The following UNC13C variants were observed in gnomAD, a reference collection of about 807,000 sequenced individuals.
UNC13C encodes protein unc-13 homolog C.
In UNC13C, 174 loss-of-function variants were observed where a neutral mutation model predicts 245.4. The ratio of observed to expected loss-of-function variants is 0.71; its 90% CI spans 0.63 to 0.80. The LOEUF is 0.80. Ranked by LOEUF, UNC13C falls within the 30% of genes least tolerant of loss-of-function variation. The probability of loss-of-function intolerance (pLI) is 0.00; values close to 1 mark genes in which losing one functional copy is unlikely to be tolerated. For missense variants in UNC13C, 2,829 were observed against 2,602.9 expected (o/e 1.09, Z -1.89); for synonymous variants, 992 against 895.1 (o/e 1.11, Z -1.93).
chr15:53,875,316 G>A, the UNC13C span, among the ~76,000 whole-genome samples: 1 of 152,120 alleles, frequency 6.6e-6, no homozygotes, highest in African/African-American at 2.4e-5. Flanking sequence ...CATCTCAGCA[G>A]GTTGATGGCA....
At chr15:54,212,106 T>C (rs575186179) in intron 4 of UNC13C, among the ~76,000 whole-genome samples, 14 of 152,216 alleles carry the variant, frequency 9.2e-5, no homozygotes, top group African/African-American at 1.9e-4. Flanking sequence ...TGGTACAACA[T>C]TGCTACCTTT....
At chr15:54,360,035 A>G (rs941516945) in intron 17 of UNC13C, among the ~76,000 whole-genome samples, 2 of 151,850 alleles carry the variant, frequency 1.3e-5, no homozygotes, top group Admixed American at 6.6e-5. Context: ...ACTTGTCTCA[A>G]TGAATTATCT....
At chr15:54,127,804 AAT>A (rs35123031) in intron 2 of UNC13C, among the ~76,000 whole-genome samples, 25,737 of 146,044 alleles carry the variant, frequency 0.18, 2,416 homozygotes, top group South Asian at 0.28. Flanking sequence ...TATAATATTT[AAT>A]ATATATATAT....
At chr15:54,576,846 A>G (rs2553219) in intron 30 of UNC13C, among the ~76,000 whole-genome samples, 1 of 152,250 alleles carries the variant, frequency 6.6e-6, no homozygotes, top group Non-Finnish European at 1.5e-5. Flanking sequence ...GGCAGTTTGC[A>G]TATTCATCTT....
intron 2 of UNC13C, among the ~76,000 whole-genome samples, chr15:54,026,599 A>G (rs944643593): frequency 3.3e-5 from 5 of 152,198 alleles, no homozygotes; most frequent in Admixed American, 3.3e-4. Context: ...AGGGAAACCC[A>G]TGGATCACAT....
intron 17 of UNC13C, among the ~76,000 whole-genome samples, chr15:54,364,954 G>GCTTA (rs2039329832): frequency 6.6e-6 from 1 of 152,210 alleles, no homozygotes; most frequent in Admixed American, 6.5e-5. Flanking sequence ...ATATGTGGAT[G>GCTTA]CTTACACTAG....
chr15:54,406,201 C>T (rs114484715), intron 18 of UNC13C, among the ~76,000 whole-genome samples: 3 of 152,198 alleles, frequency 2.0e-5, no homozygotes, highest in African/African-American at 4.8e-5. Context: ...TGGAGAATTG[C>T]GGGGACGTGT....
intron 4 of UNC13C, among the ~76,000 whole-genome samples, chr15:54,166,743 T>C (rs925720359): frequency 6.6e-6 from 1 of 152,162 alleles, no homozygotes; most frequent in Admixed American, 6.5e-5. Flanking sequence ...CATATAATTG[T>C]ATCACAACAC....
intron 13 of UNC13C, among the ~76,000 whole-genome samples, chr15:54,302,938 G>A (rs1312485766): frequency 6.6e-6 from 1 of 151,922 alleles, no homozygotes; most frequent in Non-Finnish European, 1.5e-5. Context: ...ACAACATAAT[G>A]TAAGCATGAA....
intron 4 of UNC13C, among the ~76,000 whole-genome samples, chr15:54,182,546 C>T (rs930063881): frequency 1.3e-5 from 2 of 151,950 alleles, no homozygotes; most frequent in Admixed American, 1.3e-4. Context: ...GAAAGGAATC[C>T]GTCCTCCTCA....
At chr15:54,397,913 C>T (rs2040104409) in intron 18 of UNC13C, among the ~76,000 whole-genome samples, 1 of 150,988 alleles carries the variant, frequency 6.6e-6, no homozygotes, top group Admixed American at 6.6e-5. Context: ...TATGGTTTTA[C>T]TTATTTCTTT....
At chr15:54,409,322 A>G (rs1285370177) in intron 18 of UNC13C, among the ~76,000 whole-genome samples, 1 of 151,592 alleles carries the variant, frequency 6.6e-6, no homozygotes, top group Non-Finnish European at 1.5e-5. Context: ...TAAGCTGTAT[A>G]TATTTTTCCA....
chr15:54,182,175 A>G (rs1396423056), intron 4 of UNC13C, among the ~76,000 whole-genome samples: 1 of 152,062 alleles, frequency 6.6e-6, no homozygotes, highest in African/African-American at 2.4e-5. Flanking sequence ...CGTGTTTATC[A>G]TAGATAACTC....
At position 54,523,870 on chromosome 15, in the gene UNC13C, G is replaced by C. The variant is rs201646204; in HGVS notation, c.5458-1679G>C. Reference sequence around the variant, plus strand: ...AGAGCCTGAAGAAAGCCACATGGCAGAACTTATCTCTCATTCCCTCTTCCC... The same window carrying C: ...AGAGCCTGAAGAAAGCCACATGGCACAACTTATCTCTCATTCCCTCTTCCC... On this transcript the variant is annotated intron_variant, in intron 24 of 32. Transcript: ENST00000260323. 6.6e-5 allele frequency among the ~76,000 whole-genome samples: 10 copies of C among 152,264 alleles called. No homozygotes were observed. The East Asian group carries it at 1.5e-3, about 24-fold the overall frequency.
intron 7 of UNC13C, among the ~76,000 whole-genome samples, chr15:54,249,600 A>AT (rs144611764): frequency 2.0e-4 from 31 of 151,894 alleles, no homozygotes; most frequent in African/African-American, 3.9e-4. Flanking sequence ...TGTTCAATAG[A>AT]TTTTTTTTCA....
chr15:54,609,042 A>G (rs899909350), intron 30 of UNC13C, among the ~76,000 whole-genome samples: 16 of 152,224 alleles, frequency 1.1e-4, no homozygotes, highest in Admixed American at 8.5e-4. Flanking sequence ...AGTCTCTGGT[A>G]TTAAATGAGT....
At chr15:54,601,710 C>G (rs1054019476) in intron 30 of UNC13C, among the ~76,000 whole-genome samples, 1 of 152,138 alleles carries the variant, frequency 6.6e-6, no homozygotes. Context: ...ATCCATCTCC[C>G]TTTCCCTGTC....
chr15:53,953,741 G>A, the UNC13C span, among the ~76,000 whole-genome samples: 1 of 152,206 alleles, frequency 6.6e-6, no homozygotes, highest in Non-Finnish European at 1.5e-5. Flanking sequence ...AATCAGAAGG[G>A]ATGATATGAA....
intron 13 of UNC13C, among the ~76,000 whole-genome samples, chr15:54,303,802 G>A (rs1222505687): frequency 6.6e-6 from 1 of 151,996 alleles, no homozygotes; most frequent in Non-Finnish European, 1.5e-5. Flanking sequence ...ATGTACATTG[G>A]TTCCATCCAG....
Sources: gnomAD v4.1 joint callset for allele counts (sites outside exome capture counted in the v4.1 genomes callset) on GRCh38, gnomAD v4.1.1 for gene constraint, MANE v1.5 for transcripts, NCBI Gene and HGNC (gene_info 2026-07-23, HGNC 2026-07-21) for gene names.